AK4: variants seen among roughly 807,000 people sequenced by gnomAD.
AK4 encodes the protein adenylate kinase 4, mitochondrial.
AK4 carries 13 observed loss-of-function variants against 24.6 expected under a neutral mutation model. The ratio of observed to expected loss-of-function variants is 0.53; its 90% CI spans 0.34 to 0.84. The LOEUF (loss-of-function observed/expected upper bound fraction) is 0.84. AK4 is among the 40% of genes least tolerant of loss of function. The probability of loss-of-function intolerance (pLI) is 0.01; values close to 1 mark genes in which losing one functional copy is unlikely to be tolerated. For missense variants in AK4, 192 were observed against 288.2 expected (o/e 0.67, Z 2.42); for synonymous variants, 88 against 107.0 (o/e 0.82, Z 1.10).
intron 1 of AK4, among the ~76,000 whole-genome samples, chr1:65,153,356 AT>A (rs1649864100): frequency 6.6e-6 from 1 of 151,896 alleles, no homozygotes; most frequent in Non-Finnish European, 1.5e-5. Flanking sequence ...TGTGGCCTTG[AT>A]TTCCCGGGCT....
intron 2 of AK4, among the ~76,000 whole-genome samples, chr1:65,217,422 T>G (rs1056379930): frequency 6.6e-6 from 1 of 152,212 alleles, no homozygotes; most frequent in Non-Finnish European, 1.5e-5. Context: ...CTTATCTGAA[T>G]GGATTTAAAG....
At chr1:65,219,415 A>C (rs1254035138) in intron 3 of AK4, among the ~76,000 whole-genome samples, 16 of 152,162 alleles carry the variant, frequency 1.1e-4, no homozygotes, top group Admixed American at 1.0e-3. Context: ...AGGTTAGGTC[A>C]TGTATAGGTT....
Position 65,184,410 on chromosome 1 carries a change from G to A in AK4, c.146-6300G>A, listed in dbSNP as rs147064956. The stretch of plus-strand genomic sequence containing the variant: ...GTTTTGTTTAATCTTATAAACACAT[G>A]ATGGATTTATTTGTTGGTTTGTTGT... On this transcript the variant is annotated intron_variant, in intron 1 of 4. Coordinates refer to ENST00000327299, the MANE Select transcript of AK4 (RefSeq NM_013410.4). Among the ~76,000 whole-genome samples, 1,313 of 152,268 alleles carry A rather than the reference G, an allele frequency of 8.6e-3. 24 individuals carry two copies. The highest frequency in any genetic ancestry group is 0.03 in the African/African-American group (1,262 of 41,554).
rs1275114501 is a variant in AK4 at position 65,224,976 on chromosome 1, T to TAAAG, written c.557+109_557+110insGAAA. ...CAGAGTAGTGTTTCTTTAAGACAGA[T>TAAAG]AAACACTAGCGATCCAAAACCTTCC... is the stretch of plus-strand genomic sequence containing the variant. On this transcript the variant is annotated intron_variant, in intron 4 of 4. Coordinates refer to ENST00000327299, the MANE Select transcript of AK4 (RefSeq NM_013410.4). 6.2e-6 allele frequency: 5 copies of TAAAG among 803,358 alleles called. No homozygotes were observed. The East Asian group carries it at 1.3e-4, about 21-fold the overall frequency. The allele number at this position is 803,358 out of a possible 1,614,324, so 49.8% of individuals were successfully genotyped here. A position where few individuals can be genotyped will look rare whatever the true frequency, so the allele number is the denominator to read the frequency against.
intron 1 of AK4, among the ~76,000 whole-genome samples, chr1:65,165,261 A>T (rs59027131): frequency 1.3e-5 from 2 of 152,278 alleles, no homozygotes; most frequent in East Asian, 1.9e-4. Context: ...TGGACAAAAG[A>T]GTTAGAGGGC....
intron 2 of AK4, among the ~76,000 whole-genome samples, chr1:65,191,030 G>T (rs1467200512): frequency 6.6e-6 from 1 of 152,190 alleles, no homozygotes; most frequent in East Asian, 1.9e-4. Context: ...ACCATCATGA[G>T]AACCACTGAC....
At chr1:65,188,334 G>T (rs1651171986) in intron 1 of AK4, among the ~76,000 whole-genome samples, 1 of 151,902 alleles carries the variant, frequency 6.6e-6, no homozygotes, top group Admixed American at 6.6e-5. Context: ...GGCAGAGGTT[G>T]CGATGAGCAG....
At chr1:65,175,686 A>G (rs779664354) in intron 1 of AK4, among the ~76,000 whole-genome samples, 8 of 152,176 alleles carry the variant, frequency 5.3e-5, no homozygotes, top group Non-Finnish European at 7.3e-5. Flanking sequence ...GAGATTTCCA[A>G]TGTAATCCTA....
At chr1:65,165,349 A>ATG (rs1650294156) in intron 1 of AK4, among the ~76,000 whole-genome samples, 1 of 152,114 alleles carries the variant, frequency 6.6e-6, no homozygotes, top group Non-Finnish European at 1.5e-5. Context: ...GGTATTTTTG[A>ATG]TGTAGGTATC....
At chr1:65,173,828 A>T (rs1650622817) in intron 1 of AK4, among the ~76,000 whole-genome samples, 2 of 151,332 alleles carry the variant, frequency 1.3e-5, no homozygotes, top group South Asian at 4.2e-4. Context: ...GTGCCACTGT[A>T]CTCCAGTCTG....
intron 2 of AK4, among the ~76,000 whole-genome samples, chr1:65,218,290 A>C (rs1309394993): frequency 1.3e-5 from 2 of 152,250 alleles, no homozygotes; most frequent in Non-Finnish European, 2.9e-5. Context: ...CTTTTTTAAC[A>C]GAAGTGGAAA....
At chr1:65,160,458 C>G (rs914406771) in intron 1 of AK4, among the ~76,000 whole-genome samples, 1 of 152,200 alleles carries the variant, frequency 6.6e-6, no homozygotes, top group South Asian at 2.1e-4. Flanking sequence ...AAATTTTCCA[C>G]TAGAGACAGG....
chr1:65,182,186 GT>G, intron 1 of AK4, among the ~76,000 whole-genome samples: 1 of 152,310 alleles, frequency 6.6e-6, no homozygotes, highest in Non-Finnish European at 1.5e-5. Context: ...CTCTCAAAGT[GT>G]TGGGATTACT....
chr1:65,152,527 C>T (rs991153691), intron 1 of AK4, among the ~76,000 whole-genome samples: 1 of 149,570 alleles, frequency 6.7e-6, no homozygotes, highest in Non-Finnish European at 1.5e-5. Flanking sequence ...CTCAGCCTCC[C>T]GAGTAGCTGG....
intron 1 of AK4, among the ~76,000 whole-genome samples, chr1:65,166,519 A>C (rs1182001415): frequency 1.3e-5 from 2 of 151,270 alleles, no homozygotes; most frequent in Admixed American, 1.3e-4. Context: ...TGAATCCATA[A>C]TTGCTTTTTA....
Position 65,217,052 on chromosome 1 carries a change from G to T in AK4, c.266-1702G>T, listed in dbSNP as rs193003817. On this transcript the variant is annotated intron_variant, in intron 2 of 4. Coordinates refer to ENST00000327299, the MANE Select transcript of AK4 (RefSeq NM_013410.4). ...CCATCTTGACATTGTAGTGAAGAGT[G>T]AGTTGTCCAGGGAAAGGCAGAACCT... Among the ~76,000 whole-genome samples, 5 of 152,312 alleles carry T rather than the reference G, an allele frequency of 3.3e-5. No individual in the cohort carries two copies. In the East Asian group the frequency reaches 7.7e-4, roughly 24 times the overall value.
intron 1 of AK4, among the ~76,000 whole-genome samples, chr1:65,177,939 T>TA (rs5774743): frequency 0.42 from 62,576 of 148,138 alleles, 13,889 homozygotes; most frequent in East Asian, 0.67. Flanking sequence ...AGATAGCATT[T>TA]AAAAAAAAAA....
intron 1 of AK4, among the ~76,000 whole-genome samples, chr1:65,151,415 A>G (rs1164092968): frequency 6.6e-6 from 1 of 152,070 alleles, no homozygotes; most frequent in Non-Finnish European, 1.5e-5. Context: ...GCATTAAGAT[A>G]ATCTTGTGCC....
intron 1 of AK4, among the ~76,000 whole-genome samples, chr1:65,189,953 G>T (rs1035138671): frequency 2.6e-5 from 4 of 152,134 alleles, no homozygotes; most frequent in Non-Finnish European, 5.9e-5. Context: ...GTTGTTGTTT[G>T]TATTATGTGG....
Sources: allele counts gnomAD v4.1 joint callset (sites outside exome capture counted in the v4.1 genomes callset), GRCh38; gene constraint gnomAD v4.1.1; transcripts MANE v1.5; gene names NCBI Gene and HGNC (gene_info 2026-07-23, HGNC 2026-07-21).